The following RIMS2 variants were observed in gnomAD, a reference collection of about 807,000 sequenced individuals.
The protein encoded by RIMS2 is regulating synaptic membrane exocytosis 2.
RIMS2 carries 59 observed loss-of-function variants against 174.4 expected under a neutral mutation model. The observed-to-expected ratio is 0.34, with a 90% CI of 0.27 to 0.42. RIMS2 has a LOEUF of 0.42. Among genes scored for constraint, RIMS2 ranks in the 10% least tolerant of loss-of-function variants. The pLI, the probability that RIMS2 is intolerant of heterozygous loss-of-function variation, is 1.00. For missense variants in RIMS2, 1,620 were observed against 1,666.3 expected, an observed-to-expected ratio of 0.97 and a Z score of 0.48; for synonymous variants, 606 against 572.5, an observed-to-expected ratio of 1.06 and a Z score of -0.84.
intron 1 of RIMS2, among the ~76,000 whole-genome samples, chr8:103,547,603 G>C (rs1845719900): frequency 6.6e-6 from 1 of 152,068 alleles, no homozygotes; most frequent in African/African-American, 2.4e-5. Context: ...AGAGGAACTA[G>C]AGAAACAAGA....
rs374551478 is a variant in RIMS2 at position 103,885,340 on chromosome 8, C to T, written c.741C>T (p.Tyr247=). ...TGTCCAGAGATCAGAATAGAAGATA[C>T]GACCAAAGGGAAGAAAGAGAGGAAT... The change falls in exon 4 of 24, where the codon TAC becomes TAT. Residue 247 remains tyrosine, a synonymous_variant. Coordinates refer to ENST00000504942, the Ensembl canonical transcript of RIMS2. 5.6e-6 allele frequency: 9 copies of T among 1,609,396 alleles called. No homozygotes were observed. In the East Asian group the frequency reaches 1.1e-4, roughly 20 times the overall value.
At chr8:103,762,967 A>G (rs1564546869) in intron 2 of RIMS2, among the ~76,000 whole-genome samples, 1 of 152,138 alleles carries the variant, frequency 6.6e-6, no homozygotes, top group Non-Finnish European at 1.5e-5. Context: ...ATATTAGGGA[A>G]CCACCCTTCT....
At chr8:103,816,001 C>T (rs1357198272) in intron 3 of RIMS2, among the ~76,000 whole-genome samples, 1 of 152,106 alleles carries the variant, frequency 6.6e-6, no homozygotes, top group Non-Finnish European at 1.5e-5. Context: ...AACCAGGCTG[C>T]CCGATGCCAA....
At chr8:103,610,035 G>A (rs2095312136) in intron 1 of RIMS2, among the ~76,000 whole-genome samples, 1 of 152,078 alleles carries the variant, frequency 6.6e-6, no homozygotes, top group Admixed American at 6.6e-5. Flanking sequence ...TCTCATTGTA[G>A]AGATCTTTCA....
chr8:103,890,813 C>T (rs1223077184), intron 4 of RIMS2, among the ~76,000 whole-genome samples: 1 of 151,360 alleles, frequency 6.6e-6, no homozygotes, highest in Non-Finnish European at 1.5e-5. Context: ...TTTTCATAGC[C>T]TTAAAAAGTA....
At chr8:103,937,053 G>A (rs905837173) in intron 13 of RIMS2, among the ~76,000 whole-genome samples, 10 of 151,848 alleles carry the variant, frequency 6.6e-5, no homozygotes, top group Admixed American at 2.0e-4. Flanking sequence ...AGCCGAGATC[G>A]CGCCACTGCA....
intron 19 of RIMS2, among the ~76,000 whole-genome samples, chr8:104,137,410 T>G (rs2098530191): frequency 6.6e-6 from 1 of 152,094 alleles, no homozygotes; most frequent in Non-Finnish European, 1.5e-5. Flanking sequence ...GTTGAGAGAG[T>G]TACATTTGTT....
chr8:103,540,146 C>T (rs1841838451), intron 1 of RIMS2, among the ~76,000 whole-genome samples: 1 of 152,230 alleles, frequency 6.6e-6, no homozygotes, highest in African/African-American at 2.4e-5. Flanking sequence ...GTACTCCACA[C>T]GTTTGTGCCT....
intron 3 of RIMS2, chr8:103,768,833 T>A: frequency 1.6e-6 from 1 of 619,546 alleles, no homozygotes; most frequent in Non-Finnish European, 3.0e-6. Context: ...CCATGTGTCC[T>A]GCAGCACAAA....
intron 1 of RIMS2, among the ~76,000 whole-genome samples, chr8:103,502,256 G>A (rs1010936146): frequency 3.3e-5 from 5 of 152,104 alleles, no homozygotes; most frequent in African/African-American, 1.2e-4. Flanking sequence ...AAAGCAGGTT[G>A]TTGAATTTAG....
chr8:103,573,314 T>A (rs1002553970), intron 1 of RIMS2, among the ~76,000 whole-genome samples: 1 of 152,116 alleles, frequency 6.6e-6, no homozygotes, highest in Non-Finnish European at 1.5e-5. Flanking sequence ...TCCACCTGTA[T>A]CAGCCTCCAA....
chr8:103,876,909 T>TATATATATATATATACACAC (rs71297243), intron 3 of RIMS2, among the ~76,000 whole-genome samples: 17 of 66,102 alleles, frequency 2.6e-4, no homozygotes, highest in Non-Finnish European at 4.7e-4. Context: ...TATATATATA[T>TATATATATATATATACACAC]ACACACACAC....
intron 1 of RIMS2, among the ~76,000 whole-genome samples, chr8:103,602,712 C>A (rs2094821499): frequency 6.6e-6 from 1 of 152,156 alleles, no homozygotes; most frequent in Non-Finnish European, 1.5e-5. Context: ...CATTGATGCA[C>A]ATTTGGGTTG....
intron 1 of RIMS2, among the ~76,000 whole-genome samples, chr8:103,629,602 G>A (rs1461671570): frequency 3.9e-5 from 6 of 152,138 alleles, no homozygotes; most frequent in Non-Finnish European, 8.8e-5. Flanking sequence ...AAAACTACTT[G>A]TCATATTGAG....
chr8:103,951,564 T>C (rs976996479), intron 14 of RIMS2, among the ~76,000 whole-genome samples: 3 of 152,190 alleles, frequency 2.0e-5, no homozygotes, highest in Non-Finnish European at 4.4e-5. Flanking sequence ...CCTTGGACTC[T>C]GGCCCAGATA....
intron 19 of RIMS2, among the ~76,000 whole-genome samples, chr8:104,086,690 C>T (rs1001172877): frequency 1.6e-4 from 25 of 152,156 alleles, no homozygotes; most frequent in Non-Finnish European, 3.4e-4. Context: ...TCTTCGACTA[C>T]CGCTTTTTAC....
chr8:103,905,231 T>C (rs978805079), intron 4 of RIMS2, among the ~76,000 whole-genome samples: 56 of 152,212 alleles, frequency 3.7e-4, no homozygotes, highest in African/African-American at 1.0e-3. Flanking sequence ...TTTTTTTGTT[T>C]CTCTTTTGTT....
chr8:104,188,520 G>A (rs1195866787), intron 19 of RIMS2, among the ~76,000 whole-genome samples: 2 of 151,564 alleles, frequency 1.3e-5, no homozygotes, highest in African/African-American at 2.4e-5. Context: ...TACATTTCCT[G>A]TGGGTGAAAC....
chr8:103,565,949 G>T (rs1444559399), intron 1 of RIMS2, among the ~76,000 whole-genome samples: 1 of 152,064 alleles, frequency 6.6e-6, no homozygotes, highest in East Asian at 1.9e-4. Context: ...ATATGTTTGG[G>T]GTTTGTCAAA....
Sources: allele counts gnomAD v4.1 joint callset (sites outside exome capture counted in the v4.1 genomes callset), GRCh38; gene constraint gnomAD v4.1.1; transcripts MANE v1.5; gene names NCBI Gene and HGNC (gene_info 2026-07-23, HGNC 2026-07-21).